MPRIP: variants seen among roughly 807,000 people sequenced by gnomAD.
MPRIP encodes the protein myosin phosphatase Rho interacting protein.
A neutral mutation model predicts 234.9 loss-of-function variants in MPRIP; 59 were observed. The observed-to-expected ratio is 0.25, with a 90% confidence interval of 0.20 to 0.31. The LOEUF (loss-of-function observed/expected upper bound fraction) is 0.31. Ranked by LOEUF, MPRIP falls within the 10% of genes least tolerant of loss-of-function variation. The pLI is 1.00. For synonymous variants in MPRIP, 1,144 were observed against 1,263.9 expected (o/e 0.91, Z 2.01); for missense variants, 2,436 against 3,071.0 (o/e 0.79, Z 4.89).
At chr17:17,086,777 C>T (rs1267649993) in intron 3 of MPRIP, among the ~76,000 whole-genome samples, 4 of 152,148 alleles carry the variant, frequency 2.6e-5, no homozygotes, top group Non-Finnish European at 5.9e-5. Context: ...GTGTAATTTA[C>T]GGTGACTCAT....
intron 16 of MPRIP, chr17:17,171,145 C>T (rs1172628550): frequency 1.3e-5 from 2 of 152,370 alleles, no homozygotes; most frequent in Non-Finnish European, 2.9e-5. Context: ...AGAGTCCCAA[C>T]CCCCAGCTCC....
At chr17:17,071,764 G>A (rs1203544080) in intron 1 of MPRIP, among the ~76,000 whole-genome samples, 2 of 152,082 alleles carry the variant, frequency 1.3e-5, no homozygotes. Context: ...TATGGGATCC[G>A]GAGCCACATG....
intron 11 of MPRIP, among the ~76,000 whole-genome samples, chr17:17,149,312 G>T (rs1371645718): frequency 6.6e-6 from 1 of 152,112 alleles, no homozygotes. Flanking sequence ...AGCCAACATG[G>T]TGAAACCCTG....
In MPRIP at chr17:17,172,729, G is replaced by A. The variant is rs1597508103; in HGVS notation, c.6504G>A (p.Glu2168=). ...AIEAMKNAHR[E]EMERELEKSQ... ...AAGCCATGAAGAACGCCCACCGGGA[G>A]GAAATGGAGCGGGAGCTGGAGAAGA... The change falls in exon 18 of 24, where the codon GAG becomes GAA. Residue 2168 remains glutamate, a synonymous_variant. Transcript: ENST00000651222. 2 of 1,611,964 alleles carry A rather than the reference G, an allele frequency of 1.2e-6. No individual in the cohort carries two copies. Among genetic ancestry groups the A allele is most frequent in the Non-Finnish European group, 1.7e-6 (2 of 1,180,018 alleles).
At chr17:17,045,002 A>G (rs914378374) in intron 1 of MPRIP, among the ~76,000 whole-genome samples, 27 of 152,164 alleles carry the variant, frequency 1.8e-4, no homozygotes, top group African/African-American at 5.8e-4. Context: ...GCTGTTGCCA[A>G]CAGCCTTCTC....
At chr17:17,099,145 G>A (rs1478781939) in intron 3 of MPRIP, among the ~76,000 whole-genome samples, 1 of 152,118 alleles carries the variant, frequency 6.6e-6, no homozygotes, top group Admixed American at 6.5e-5. Context: ...CACATACATT[G>A]CAAATAGCAG....
chr17:17,049,338 T>A (rs561633436), intron 1 of MPRIP, among the ~76,000 whole-genome samples: 1 of 152,220 alleles, frequency 6.6e-6, no homozygotes, highest in Non-Finnish European at 1.5e-5. Flanking sequence ...TCTTGACTTA[T>A]GATGGGACTT....
chr17:17,135,816 G>T (rs914541930), intron 5 of MPRIP, among the ~76,000 whole-genome samples: 1 of 152,152 alleles, frequency 6.6e-6, no homozygotes, highest in Non-Finnish European at 1.5e-5. Flanking sequence ...TGCATCTGAC[G>T]ACTCTTTCCT....
chr17:17,078,956 C>T lies in MPRIP; in HGVS notation c.267+880C>T. On this transcript the variant is annotated intron_variant, in intron 3 of 23. Transcript: ENST00000651222. The surrounding 1 kb of genome is among the most constrained non-coding windows in gnomAD (Gnocchi z 4.3). The stretch of plus-strand genomic sequence containing the variant: ...GCCTAGTCTCACTATGTAAAATAGG[C>T]AGCCCCTGCCTATCCTACCCAGAGT... Among the ~76,000 whole-genome samples the T allele has an allele frequency of 6.6e-6, 1 of 152,156 alleles. No individual in the cohort carries two copies. Among genetic ancestry groups the T allele is most frequent in the South Asian group, 2.1e-4 (1 of 4,822 alleles).
At chr17:17,073,128 T>G (rs2089239487) in intron 1 of MPRIP, among the ~76,000 whole-genome samples, 1 of 152,122 alleles carries the variant, frequency 6.6e-6, no homozygotes, top group Admixed American at 6.5e-5. Flanking sequence ...GCCACTCCTC[T>G]GCTCTCTATC....
At chr17:17,043,222 A>G (rs983942844) in intron 1 of MPRIP, among the ~76,000 whole-genome samples, 3 of 152,144 alleles carry the variant, frequency 2.0e-5, no homozygotes, top group Non-Finnish European at 4.4e-5. Flanking sequence ...GGGTGACTCA[A>G]AAGTGCCTGG....
intron 3 of MPRIP, among the ~76,000 whole-genome samples, chr17:17,104,515 G>A (rs1014068153): frequency 3.9e-5 from 6 of 152,054 alleles, no homozygotes; most frequent in Non-Finnish European, 7.4e-5. Context: ...CCTTCCTCCC[G>A]ACCAGTCCAC....
chr17:17,062,665 G>A (rs1271037450), intron 1 of MPRIP, among the ~76,000 whole-genome samples: 4 of 152,234 alleles, frequency 2.6e-5, no homozygotes, highest in Non-Finnish European at 2.9e-5. Flanking sequence ...GATAGTGTGG[G>A]CGGTGCCCTG....
intron 4 of MPRIP, among the ~76,000 whole-genome samples, chr17:17,131,195 T>C (rs2090589516): frequency 6.6e-6 from 1 of 151,926 alleles, no homozygotes; most frequent in South Asian, 2.1e-4. Context: ...AGAGTACCCA[T>C]TGTGGGAACT....
At chr17:17,043,742 C>CT (rs898224107) in intron 1 of MPRIP, among the ~76,000 whole-genome samples, 1 of 152,208 alleles carries the variant, frequency 6.6e-6, no homozygotes. Flanking sequence ...AGAGGCTTGG[C>CT]TGCAGCCCCC....
chr17:17,164,656 A>G lies in MPRIP; in HGVS notation c.3065A>G (p.Tyr1022Cys), dbSNP rs1308071606. Reference protein sequence around the residue: ...RLMEEKLQRNYELLLESCEKE... With the variant: ...RLMEEKLQRNCELLLESCEKE... ...ATGGAGGAGAAGCTGCAGAGAAACT[A>G]TGAGCTGCTGCTGGAGAGCTGTGAG... Residue 1022 changes from tyrosine (Y) to cysteine (C), a missense_variant, in exon 16 of 24, where the codon TAT becomes TGT. Physicochemically the swap from Tyr to Cys is radical, Grantham distance 194. Coordinates refer to ENST00000651222, the MANE Select transcript of MPRIP (RefSeq NM_001364716.4). 6 of 1,239,690 alleles carry G rather than the reference A, an allele frequency of 4.8e-6. No homozygotes were observed. The highest frequency in any genetic ancestry group is 6.2e-6 in the Non-Finnish European group (6 of 961,252). The allele number at this position is 1,239,690 out of a possible 1,614,324, so 76.8% of individuals were successfully genotyped here. A position where few individuals can be genotyped will look rare whatever the true frequency, so the allele number is the denominator to read the frequency against.
intron 7 of MPRIP, chr17:17,142,331 G>C (rs1308242279): frequency 3.1e-6 from 1 of 317,808 alleles, no homozygotes; most frequent in Non-Finnish European, 5.9e-6. Flanking sequence ...TGTGGCTCAG[G>C]AGAGGCTGCC....
intron 7 of MPRIP, chr17:17,142,311 T>C: frequency 3.7e-6 from 1 of 266,972 alleles, no homozygotes; most frequent in South Asian, 5.8e-5. Context: ...GGTTGCCTTT[T>C]GATCATGTCT....
intron 13 of MPRIP, 53 bp downstream of exon 13, chr17:17,154,468 C>A (rs3744132): frequency 0.098 from 145,110 of 1,481,336 alleles, 10,772 homozygotes; most frequent in East Asian, 0.32. Context: ...GGGTGCCACT[C>A]CCGCCAGGGC....
Sources: allele counts gnomAD v4.1 joint callset (sites outside exome capture counted in the v4.1 genomes callset), GRCh38; gene constraint gnomAD v4.1.1; non-coding constraint Gnocchi (gnomAD v3.1); transcripts MANE v1.5; gene names NCBI Gene and HGNC (gene_info 2026-07-23, HGNC 2026-07-21).